GNB1L: variants seen among roughly 807,000 people sequenced by gnomAD.
GNB1L encodes guanine nucleotide-binding protein subunit beta-like protein 1.
GNB1L carries 20 observed loss-of-function variants against 29.1 expected under a neutral mutation model. That is an observed-to-expected ratio of 0.69 (90% confidence interval 0.48 to 1.00). The LOEUF (loss-of-function observed/expected upper bound fraction) is 1.00, where lower values mean the gene tolerates loss of function less well. Ranked by LOEUF, GNB1L falls within the 50% of genes least tolerant of loss-of-function variation. The pLI, the probability that GNB1L is intolerant of heterozygous loss-of-function variation, is 0.00. For synonymous variants in GNB1L, 193 were observed against 206.5 expected, an observed-to-expected ratio of 0.93 and a Z score of 0.56; for missense variants, 421 against 464.9, an observed-to-expected ratio of 0.91 and a Z score of 0.87.
intron 7 of GNB1L, chr22:19,792,521 G>C: frequency 6.5e-7 from 1 of 1,543,670 alleles, no homozygotes; most frequent in Non-Finnish European, 8.9e-7. Context: ...GGCTGAAAGT[G>C]CCTCCTGCAA....
chr22:19,799,732 C>G (rs191143027), intron 7 of GNB1L, among the ~76,000 whole-genome samples: 1 of 152,196 alleles, frequency 6.6e-6, no homozygotes, highest in Admixed American at 6.5e-5. Context: ...GGTGAGGACA[C>G]CTGTGGGTGC....
At chr22:19,837,692 A>C (rs570528078) in intron 2 of GNB1L, among the ~76,000 whole-genome samples, 1 of 152,340 alleles carries the variant, frequency 6.6e-6, no homozygotes, top group Admixed American at 6.5e-5. Context: ...TTTCTTTAAA[A>C]ACCAGTCACA....
chr22:19,802,145 A>G lies in GNB1L; in HGVS notation c.588T>C (p.Ser196=), dbSNP rs1218099712. 28 of 1,613,240 alleles carry G rather than the reference A, an allele frequency of 1.7e-5. No individual in the cohort carries two copies. The highest frequency in any genetic ancestry group is 2.4e-5 in the Non-Finnish European group (28 of 1,180,026). Residue 196 remains serine (S), a synonymous_variant, in exon 7 of 8, where the codon TCT becomes TCC. Transcript: ENST00000329517. Reference sequence around the variant, plus strand: ...CGATGCGGCTGCACACCTTCTGCTCAGAGACGTCCCACAGGACCACCGATC... The same window carrying G: ...CGATGCGGCTGCACACCTTCTGCTCGGAGACGTCCCACAGGACCACCGATC... ...EDGSVVLWDV[S]EQKVCSRIAC... is the part of the protein sequence containing the mutation.
intron 2 of GNB1L, among the ~76,000 whole-genome samples, chr22:19,840,910 A>T (rs1264621360): frequency 6.6e-6 from 1 of 152,242 alleles, no homozygotes; most frequent in East Asian, 1.9e-4. Context: ...TCTAATCGTG[A>T]GAAGAACACA....
At chr22:19,828,323 CAGAT>C (rs1308825905) in intron 2 of GNB1L, among the ~76,000 whole-genome samples, 1 of 152,148 alleles carries the variant, frequency 6.6e-6, no homozygotes, top group African/African-American at 2.4e-5. Flanking sequence ...TTGACAAAGA[CAGAT>C]AGTTTTTAAT....
Position 19,788,013 on chromosome 22 carries a change from G to T in GNB1L, c.*696C>A, listed in dbSNP as rs145954521. The T allele has an allele frequency of 1.4e-4, 21 of 155,436 alleles. No individual in the cohort carries two copies. Among genetic ancestry groups the T allele is most frequent in the Non-Finnish European group, 2.3e-4 (16 of 70,124 alleles). The allele number at this position is 155,436 out of a possible 1,614,324, so 9.6% of individuals were successfully genotyped here. A position where few individuals can be genotyped will look rare whatever the true frequency, so the allele number is the denominator to read the frequency against. On this transcript the variant is annotated 3_prime_UTR_variant, in exon 8 of 8. Coordinates refer to ENST00000329517, the MANE Select transcript of GNB1L (RefSeq NM_053004.3). ...ACTCACCTGGAGGTGCACCCTGTGC[G>T]CCTTCCCCACTGCACCCTCTGCGGG... is the stretch of plus-strand genomic sequence containing the variant.
intron 2 of GNB1L, chr22:19,852,283 A>G (rs770925442): frequency 2.5e-6 from 4 of 1,582,966 alleles, no homozygotes; most frequent in Non-Finnish European, 3.4e-6. Flanking sequence ...AGGGGAGAAG[A>G]GAGGAGAGCC....
chr22:19,806,567 G>T, intron 6 of GNB1L, 92 bp downstream of exon 6: 2 of 780,896 alleles, frequency 2.6e-6, no homozygotes, highest in Non-Finnish European at 4.2e-6. Flanking sequence ...TGTTGCCTGA[G>T]TGGCTCGACG....
chr22:19,820,825 T>C, intron 3 of GNB1L, 102 bp from the exon 4 acceptor site: 1 of 1,381,918 alleles, frequency 7.2e-7, no homozygotes, highest in Non-Finnish European at 9.9e-7. Context: ...GCATCTAGGC[T>C]GGTTGAGCTG....
intron 2 of GNB1L, among the ~76,000 whole-genome samples, chr22:19,825,068 C>T (rs561116162): frequency 5.9e-5 from 9 of 152,376 alleles, no homozygotes; most frequent in Admixed American, 2.6e-4. Flanking sequence ...CCTGCCCACC[C>T]CAGCCCACCA....
intron 2 of GNB1L, chr22:19,846,531 G>A (rs1399963141): frequency 1.0e-6 from 1 of 985,500 alleles, no homozygotes; most frequent in Non-Finnish European, 1.2e-6. Context: ...GCGCTGCCAG[G>A]AACAGCAAAG....
intron 7 of GNB1L, among the ~76,000 whole-genome samples, chr22:19,797,500 ATCATT>A (rs1937320399): frequency 2.0e-5 from 3 of 152,306 alleles, no homozygotes; most frequent in South Asian, 4.1e-4. Flanking sequence ...ATGCAGTGAG[ATCATT>A]TAGTGACATC....
chr22:19,810,916 G>A (rs1937492784), intron 5 of GNB1L, among the ~76,000 whole-genome samples: 1 of 152,220 alleles, frequency 6.6e-6, no homozygotes, highest in South Asian at 2.1e-4. Flanking sequence ...CTTGAGCACA[G>A]GGGACGTGTG....
At chr22:19,795,844 C>CCAGG (rs1346687587) in intron 7 of GNB1L, among the ~76,000 whole-genome samples, 5 of 152,148 alleles carry the variant, frequency 3.3e-5, no homozygotes, top group African/African-American at 7.2e-5. Flanking sequence ...CCCTCAGCAT[C>CCAGG]CAGGCCCGTG....
intron 2 of GNB1L, chr22:19,847,094 C>A: frequency 1.0e-6 from 1 of 985,422 alleles, no homozygotes; most frequent in South Asian, 4.7e-5. Context: ...CTTCCTTTGG[C>A]CACAGAAATG....
At chr22:19,848,572 T>C (rs1938020410) in intron 2 of GNB1L, 1 of 985,398 alleles carries the variant, frequency 1.0e-6, no homozygotes, top group African/African-American at 1.7e-5. Context: ...ACATCACCAC[T>C]TCAAGGCCCT....
chr22:19,796,975 C>T lies in GNB1L; in HGVS notation c.732+5026G>A, dbSNP rs145151452. On this transcript the variant is annotated intron_variant, in intron 7 of 7. Coordinates refer to ENST00000329517, the MANE Select transcript of GNB1L (RefSeq NM_053004.3). ...GCGGCAGAAATTTAAACAATCATCA[C>T]AAGCAGTCCAAAAAAGGTCACTAGG... Among the ~76,000 whole-genome samples, 512 of 152,308 alleles carry T rather than the reference C, an allele frequency of 3.4e-3. 4 individuals are homozygous for T. Among genetic ancestry groups the T allele is most frequent in the African/African-American group, 0.012 (500 of 41,570 alleles).
intron 7 of GNB1L, chr22:19,792,634 T>C (rs764476437): frequency 1.3e-5 from 20 of 1,586,904 alleles, no homozygotes; most frequent in Non-Finnish European, 1.6e-5. Context: ...AAGCAGAGAC[T>C]GTTGGCCTGG....
rs577464807 is a variant in GNB1L at position 19,848,538 on chromosome 22, A to C, written c.-21+5905T>G. On this transcript the variant is annotated intron_variant, in intron 2 of 7. Coordinates refer to ENST00000329517, the MANE Select transcript of GNB1L (RefSeq NM_053004.3). ...CATGCCAGAGTCCATCGTTGCCTCC[A>C]CCCTACCTGTGCAGGAAACCTGGAC... 8.2e-5 allele frequency: 81 copies of C among 985,424 alleles called. No homozygotes were observed. The African/African-American group carries it at 1.2e-3, about 14-fold the overall frequency. 61.0% of individuals were successfully genotyped at this position (985,424 alleles called of 1,614,324 possible). A position where few individuals can be genotyped will look rare whatever the true frequency, so the allele number is the denominator to read the frequency against.
Sources: gnomAD v4.1 joint callset for allele counts (sites outside exome capture counted in the v4.1 genomes callset) on GRCh38, gnomAD v4.1.1 for gene constraint, MANE v1.5 for transcripts, NCBI Gene and HGNC (gene_info 2026-07-23, HGNC 2026-07-21) for gene names.